C8orf34: variants seen among roughly 807,000 people sequenced by gnomAD.
The protein encoded by C8orf34 is chromosome 8 open reading frame 34.
C8orf34 carries 65 observed loss-of-function variants against 68.3 expected under a neutral mutation model. The ratio of observed to expected loss-of-function variants is 0.95; its 90% CI spans 0.78 to 1.17. The LOEUF is 1.17. C8orf34 is among the 50% of genes most tolerant of loss of function. The pLI is 0.00. For synonymous variants in C8orf34, 244 were observed against 241.2 expected, an observed-to-expected ratio of 1.01 and a Z score of -0.11; for missense variants, 664 against 655.4, an observed-to-expected ratio of 1.01 and a Z score of -0.14.
chr8:68,588,998 T>G (rs966021664), intron 7 of C8orf34, among the ~76,000 whole-genome samples: 32 of 152,150 alleles, frequency 2.1e-4, no homozygotes, highest in Non-Finnish European at 3.5e-4. Flanking sequence ...AATATTTTAT[T>G]GGCGAAAACA....
At chr8:68,673,747 AC>A (rs34878815) in intron 8 of C8orf34, among the ~76,000 whole-genome samples, 21,460 of 152,100 alleles carry the variant, frequency 0.14, 1,643 homozygotes, top group Middle Eastern at 0.23. Flanking sequence ...GGCTGGCTTC[AC>A]CATCTGTTGA....
rs186821146 is a variant in C8orf34, at chr8:68,592,273, A to C, written c.1106-48103A>C. Among the ~76,000 whole-genome samples the C allele has an allele frequency of 9.7e-4, 147 of 152,040 alleles. 3 individuals are homozygous for C. In the East Asian group the frequency reaches 0.022, roughly 23 times the overall value. ...TGATTGGAATTATATTTAATCCGTA[A>C]ATCAATTTAGCATATCTATTTATTC... On this transcript the variant is annotated intron_variant, in intron 7 of 13. Transcript: ENST00000518698.
intron 7 of C8orf34, among the ~76,000 whole-genome samples, chr8:68,595,310 A>C (rs1425208192): frequency 6.6e-6 from 1 of 151,998 alleles, no homozygotes; most frequent in Admixed American, 6.6e-5. Flanking sequence ...TACAAGTGTA[A>C]GGGCTTATTT....
intron 7 of C8orf34, among the ~76,000 whole-genome samples, chr8:68,548,166 A>G (rs978053054): frequency 6.6e-6 from 1 of 151,758 alleles, no homozygotes; most frequent in Non-Finnish European, 1.5e-5. Flanking sequence ...ATCACTAAAG[A>G]TGAAAGAAAA....
At chr8:68,479,547 T>C (rs1812770639) in intron 4 of C8orf34, among the ~76,000 whole-genome samples, 1 of 151,730 alleles carries the variant, frequency 6.6e-6, no homozygotes, top group Non-Finnish European at 1.5e-5. Context: ...GAGAAGATAA[T>C]AGTTGGAGTA....
chr8:68,598,415 G>A (rs1260647234), intron 7 of C8orf34, among the ~76,000 whole-genome samples: 1 of 152,114 alleles, frequency 6.6e-6, no homozygotes, highest in Non-Finnish European at 1.5e-5. Flanking sequence ...AGGTTTATAT[G>A]TTATGCCTGG....
At chr8:68,503,783 C>A (rs147692900) in intron 5 of C8orf34, among the ~76,000 whole-genome samples, 1 of 150,720 alleles carries the variant, frequency 6.6e-6, no homozygotes, top group Non-Finnish European at 1.5e-5. Flanking sequence ...ATGGAATAAA[C>A]GTTCACCTCT....
intron 12 of C8orf34, among the ~76,000 whole-genome samples, chr8:68,803,054 G>A (rs948135681): frequency 6.6e-6 from 1 of 151,674 alleles, no homozygotes; most frequent in East Asian, 1.9e-4. Flanking sequence ...GGCCCATATG[G>A]GGCCTGAATT....
At chr8:68,401,144 A>G (rs940740451) in intron 1 of C8orf34, among the ~76,000 whole-genome samples, 2 of 150,006 alleles carry the variant, frequency 1.3e-5, no homozygotes, top group African/African-American at 4.9e-5. Context: ...GCTATTGTAA[A>G]TGTGAATGCC....
At chr8:68,354,720 G>A (rs915631353) in intron 1 of C8orf34, among the ~76,000 whole-genome samples, 1 of 152,102 alleles carries the variant, frequency 6.6e-6, no homozygotes, top group African/African-American at 2.4e-5. Context: ...AAGGGTGTGT[G>A]ATTACCAGGT....
intron 6 of C8orf34, among the ~76,000 whole-genome samples, chr8:68,531,058 T>C (rs557839463): frequency 5.3e-5 from 8 of 152,138 alleles, no homozygotes; most frequent in Non-Finnish European, 1.2e-4. Flanking sequence ...TATCATATTA[T>C]CATATTCTAT....
chr8:68,716,470 G>A (rs1175376813), intron 9 of C8orf34, among the ~76,000 whole-genome samples: 1 of 151,918 alleles, frequency 6.6e-6, no homozygotes, highest in Non-Finnish European at 1.5e-5. Context: ...AGAAAAATAA[G>A]TAACAAGTAT....
intron 7 of C8orf34, among the ~76,000 whole-genome samples, chr8:68,596,400 T>G (rs1292780681): frequency 6.6e-6 from 1 of 152,194 alleles, no homozygotes; most frequent in African/African-American, 2.4e-5. Flanking sequence ...ATTAATATAT[T>G]ATTTTTAAAT....
intron 10 of C8orf34, among the ~76,000 whole-genome samples, chr8:68,725,900 T>G (rs925856342): frequency 3.9e-5 from 6 of 152,122 alleles, no homozygotes; most frequent in African/African-American, 4.8e-5. Context: ...CTTTTTTTAT[T>G]TTTTTATTTT....
At chr8:68,483,630 G>T (rs1311858252) in intron 4 of C8orf34, among the ~76,000 whole-genome samples, 1 of 152,168 alleles carries the variant, frequency 6.6e-6, no homozygotes, top group Non-Finnish European at 1.5e-5. Flanking sequence ...CCCAGAACTG[G>T]GTTGATCAGA....
chr8:68,478,195 A>G (rs1005728357), intron 4 of C8orf34, among the ~76,000 whole-genome samples: 4 of 151,876 alleles, frequency 2.6e-5, no homozygotes, highest in Admixed American at 6.6e-5. Flanking sequence ...CCTTTTAAAC[A>G]TAAGTTTCAA....
chr8:68,683,889 T>C (rs1820439180), intron 8 of C8orf34, among the ~76,000 whole-genome samples: 1 of 152,152 alleles, frequency 6.6e-6, no homozygotes, highest in African/African-American at 2.4e-5. Flanking sequence ...CTGACTGTGT[T>C]CCCAGTGAGT....
At chr8:68,657,641 A>G (rs2130798786) in intron 8 of C8orf34, among the ~76,000 whole-genome samples, 1 of 152,246 alleles carries the variant, frequency 6.6e-6, no homozygotes, top group African/African-American at 2.4e-5. Context: ...TTTCAGCTTC[A>G]TTTTTTATCT....
intron 8 of C8orf34, among the ~76,000 whole-genome samples, chr8:68,690,525 A>T (rs567560216): frequency 6.6e-6 from 1 of 152,066 alleles, no homozygotes; most frequent in South Asian, 2.1e-4. Flanking sequence ...GGGAGGGCCC[A>T]TTTGTCATAG....
Sources: gnomAD v4.1 joint callset for allele counts (sites outside exome capture counted in the v4.1 genomes callset) on GRCh38, gnomAD v4.1.1 for gene constraint, MANE v1.5 for transcripts, NCBI Gene and HGNC (gene_info 2026-07-23, HGNC 2026-07-21) for gene names.